Variants in KLB observed in about 807,000 individuals in gnomAD.
KLB encodes klotho beta.
In KLB, 44 loss-of-function variants were observed where a neutral mutation model predicts 88.4. The observed-to-expected ratio is 0.50, with a 90% CI of 0.39 to 0.64. The LOEUF is 0.64. KLB is among the 30% of genes least tolerant of loss of function. The pLI, the probability that KLB is intolerant of heterozygous loss-of-function variation, is 0.00. For missense variants in KLB, 1,137 were observed against 1,304.8 expected, an observed-to-expected ratio of 0.87 and a Z score of 1.98; for synonymous variants, 548 against 513.4, an observed-to-expected ratio of 1.07 and a Z score of -0.91.
chr4:39,408,630 T>A (rs979230638), intron 1 of KLB, among the ~76,000 whole-genome samples: 2 of 152,152 alleles, frequency 1.3e-5, no homozygotes, highest in Non-Finnish European at 2.9e-5. Context: ...ATTAAATAAT[T>A]TTCCCAAGGT....
intron 3 of KLB, among the ~76,000 whole-genome samples, chr4:39,439,707 G>A (rs1316884598): frequency 2.7e-5 from 4 of 149,684 alleles, no homozygotes; most frequent in South Asian, 2.1e-4. Flanking sequence ...GTTGCTCATC[G>A]CCCAGGCTGG....
rs773323429 is a variant in KLB at position 39,447,046 on chromosome 4, G to C, written c.2320G>C (p.Glu774Gln). 11 of 1,612,304 alleles carry C rather than the reference G, an allele frequency of 6.8e-6. No homozygotes were observed. Among genetic ancestry groups the C allele is most frequent in the South Asian group, 1.1e-5 (1 of 91,076 alleles). ...FLQFEIAWFAEPLFKTGDYPA... is the reference protein window; with the variant it reads ...FLQFEIAWFAQPLFKTGDYPA... ...GCAGTTCGAGATCGCCTGGTTCGCCGAGCCGCTCTTCAAGACCGGGGACTA... is the reference window on the plus strand; with the variant it reads ...GCAGTTCGAGATCGCCTGGTTCGCCCAGCCGCTCTTCAAGACCGGGGACTA... The change falls in exon 4 of 5, where the codon GAG (glutamate) becomes CAG (glutamine). Residue 774 changes from glutamate to glutamine, a missense_variant. This residue lies in a region of KLB where 426 missense variants were observed against 404.6 expected (regional missense o/e 1.05). Transcript: ENST00000257408.
Position 39,415,471 on chromosome 4 carries a change from G to GTGA in KLB, c.825+7699_825+7701dup, listed in dbSNP as rs544948536. Reference sequence around the variant, plus strand: ...ATCATGCCTCTGCACTCCAGCTTGGGTGATAGAGGGAGACTGCATCTCTAA... The same window carrying GTGA: ...ATCATGCCTCTGCACTCCAGCTTGGGTGATGATAGAGGGAGACTGCATCTCTAA... On this transcript the variant is annotated intron_variant, in intron 1 of 4. Coordinates refer to ENST00000257408, the MANE Select transcript of KLB (RefSeq NM_175737.4). Among the ~76,000 whole-genome samples the GTGA allele has an allele frequency of 2.1e-3, 313 of 152,114 alleles. 1 individual carries two copies. Among genetic ancestry groups the GTGA allele is most frequent in the African/African-American group, 7.0e-3 (292 of 41,490 alleles).
At chr4:39,437,290 C>CT (rs200844052) in intron 2 of KLB, among the ~76,000 whole-genome samples, 321 of 151,282 alleles carry the variant, frequency 2.1e-3, no homozygotes, top group African/African-American at 6.1e-3. Context: ...CTAAAAGCAG[C>CT]TTTTTTTTTA....
chr4:39,446,532 T>C lies in KLB; in HGVS notation c.1806T>C (p.Asp602=). The change falls in exon 4 of 5, where the codon GAT becomes GAC. Residue 602 remains aspartate (D), a synonymous_variant. Coordinates refer to ENST00000257408, the MANE Select transcript of KLB (RefSeq NM_175737.4). The surrounding 1 kb of genome is among the most constrained non-coding windows in gnomAD (Gnocchi z 6.4). ...TCACCCACTACCGGTTTGCTCTGGA[T>C]TGGGCCTCGGTCCTTCCCACTGGCA... The part of the protein sequence containing the change: ...MKVTHYRFAL[D]WASVLPTGNL... 6.2e-7 allele frequency: 1 copy of C among 1,614,184 alleles called. No homozygotes were observed. The highest frequency in any genetic ancestry group is 8.5e-7 in the Non-Finnish European group (1 of 1,180,026).
intron 1 of KLB, among the ~76,000 whole-genome samples, chr4:39,422,345 T>C (rs553159257): frequency 6.6e-6 from 1 of 152,170 alleles, no homozygotes; most frequent in African/African-American, 2.4e-5. Context: ...TTTTAAAAAT[T>C]GAACAAAATG....
chr4:39,440,958 C>A (rs1743584697), intron 3 of KLB, among the ~76,000 whole-genome samples: 4 of 152,142 alleles, frequency 2.6e-5, no homozygotes, highest in Admixed American at 2.0e-4. Flanking sequence ...TGAATTCAAG[C>A]AATTCTCCTG....
chr4:39,428,428 CAA>C (rs35029761), intron 1 of KLB, among the ~76,000 whole-genome samples: 85,972 of 136,074 alleles, frequency 0.63, 26,714 homozygotes, highest in Admixed American at 0.73. Flanking sequence ...AACTACGTCT[CAA>C]AAAAAAAAAA....
intron 1 of KLB, among the ~76,000 whole-genome samples, chr4:39,421,804 T>G (rs190872445): frequency 6.6e-6 from 1 of 150,410 alleles, no homozygotes; most frequent in Non-Finnish European, 1.5e-5. Context: ...TGGAGCTCAG[T>G]GGTGCGATCA....
rs1344903419 is a variant in KLB, at chr4:39,450,853, G to C, written c.*2167G>C. 1 of 107,758 alleles carries C rather than the reference G, an allele frequency of 9.3e-6. No homozygotes were observed. Among genetic ancestry groups the C allele is most frequent in the East Asian group, 2.9e-4 (1 of 3,444 alleles). 6.7% of individuals were successfully genotyped at this position (107,758 alleles called of 1,614,324 possible). On this transcript the variant is annotated 3_prime_UTR_variant, in exon 5 of 5. Transcript: ENST00000257408. ...CTCATTAACCTCTCTTTAACATCAAGGGCTTGGGAAAAAAAAAAAAAAGGT... is the reference window on the plus strand; with the variant it reads ...CTCATTAACCTCTCTTTAACATCAACGGCTTGGGAAAAAAAAAAAAAAGGT...
rs1743738485 is a variant in KLB, at chr4:39,446,073, A to T, written c.1606-259A>T. Among the ~76,000 whole-genome samples, 1 of 152,138 alleles carries T rather than the reference A, an allele frequency of 6.6e-6. No individual in the cohort carries two copies. On this transcript the variant is annotated intron_variant, in intron 3 of 4. Transcript: ENST00000257408. This position sits in a 1 kb window ranked among gnomAD's most constrained non-coding sequence, Gnocchi z 6.4. ...TTTGAACAGAATCACTTCAAACCCC[A>T]CCATATATAACCTAGGGTTTAAAGT...
At chr4:39,421,393 TCTC>T (rs1743079809) in intron 1 of KLB, among the ~76,000 whole-genome samples, 1 of 152,146 alleles carries the variant, frequency 6.6e-6, no homozygotes, top group African/African-American at 2.4e-5. Context: ...GCTGATGAAT[TCTC>T]CATTTGATTG....
chr4:39,446,694 G>A lies in KLB; in HGVS notation c.1968G>A (p.Leu656=). 1 of 1,610,848 alleles carries A rather than the reference G, an allele frequency of 6.2e-7. No individual in the cohort carries two copies. The highest frequency in any genetic ancestry group is 8.5e-7 in the Non-Finnish European group (1 of 1,178,092). ...HAHLGLPEPL[L]HADGWLNPST... ...ACCTAGGCCTCCCCGAGCCTCTGTT[G>A]CATGCCGACGGGTGGCTGAACCCAT... Residue 656 remains leucine (L), a synonymous_variant, in exon 4 of 5, where the codon TTG becomes TTA. Transcript: ENST00000257408. The surrounding 1 kb of genome is among the most constrained non-coding windows in gnomAD (Gnocchi z 6.4).
intron 1 of KLB, among the ~76,000 whole-genome samples, chr4:39,426,259 A>AG (rs1743210973): frequency 6.7e-6 from 1 of 150,258 alleles, no homozygotes; most frequent in South Asian, 2.1e-4. Context: ...CTCAAAAAAA[A>AG]AAAAAATTAG....
At chr4:39,444,501 T>C (rs989621166) in intron 3 of KLB, among the ~76,000 whole-genome samples, 3 of 152,132 alleles carry the variant, frequency 2.0e-5, no homozygotes, top group African/African-American at 7.2e-5. Flanking sequence ...GTCCTTTTGG[T>C]GGGGAATAGG....
intron 1 of KLB, among the ~76,000 whole-genome samples, chr4:39,425,717 T>G (rs1395950151): frequency 2.0e-5 from 3 of 152,166 alleles, no homozygotes. Flanking sequence ...GCCAGGATTA[T>G]AGGCATGAGC....
chr4:39,439,824 C>A (rs1743558542), intron 3 of KLB, among the ~76,000 whole-genome samples: 2 of 152,102 alleles, frequency 1.3e-5, no homozygotes, highest in African/African-American at 4.8e-5. Flanking sequence ...TGTGCCACCA[C>A]TCCTGGCTAA....
At chr4:39,434,775 T>C (rs1743435001) in intron 2 of KLB, 55 bp downstream of exon 2, 3 of 1,326,750 alleles carry the variant, frequency 2.3e-6, no homozygotes, top group Non-Finnish European at 3.1e-6. Context: ...ACAGGATATT[T>C]AAAGTCACCT....
intron 1 of KLB, among the ~76,000 whole-genome samples, chr4:39,417,999 AC>A (rs1358900319): frequency 6.6e-6 from 1 of 152,024 alleles, no homozygotes; most frequent in African/African-American, 2.4e-5. Flanking sequence ...CAGCTTCAAA[AC>A]CCATGTCCAT....
Sources: gnomAD v4.1 joint callset for allele counts (sites outside exome capture counted in the v4.1 genomes callset) on GRCh38, gnomAD v4.1.1 for gene constraint, gnomAD v4.1.1 regional missense constraint, Gnocchi (gnomAD v3.1) non-coding constraint, MANE v1.5 for transcripts, NCBI Gene and HGNC (gene_info 2026-07-23, HGNC 2026-07-21) for gene names.